CYTH3: variants seen among roughly 807,000 people sequenced by gnomAD.
CYTH3 encodes the protein cytohesin-3.
In CYTH3, 23 loss-of-function variants were observed where a neutral mutation model predicts 55.1. The observed-to-expected ratio is 0.42, with a 90% confidence interval of 0.30 to 0.59. The LOEUF (loss-of-function observed/expected upper bound fraction) is 0.59, where lower values mean the gene tolerates loss of function less well. Among genes scored for constraint, CYTH3 ranks in the 20% least tolerant of loss-of-function variants. The pLI, the probability that CYTH3 is intolerant of heterozygous loss-of-function variation, is 0.20. For missense variants in CYTH3, 413 were observed against 524.8 expected (o/e 0.79, Z 2.08); for synonymous variants, 249 against 194.9 (o/e 1.28, Z -2.31).
At chr7:6,271,657 T>A (rs1780660800) in intron 1 of CYTH3, among the ~76,000 whole-genome samples, 1 of 152,050 alleles carries the variant, frequency 6.6e-6, no homozygotes, top group Admixed American at 6.6e-5. Context: ...ACTAAATAAT[T>A]TCCAACAAAC....
At chr7:6,166,000 C>T (rs1782990882) in intron 9 of CYTH3, among the ~76,000 whole-genome samples, 190 bp from the exon 10 acceptor site, 2 of 152,236 alleles carry the variant, frequency 1.3e-5, no homozygotes, top group Admixed American at 6.5e-5. Context: ...ACACCGGCGC[C>T]CCCTCCACGG....
chr7:6,193,803 C>T (rs900771474), intron 1 of CYTH3, among the ~76,000 whole-genome samples: 6 of 152,168 alleles, frequency 3.9e-5, no homozygotes, highest in Admixed American at 2.0e-4. Context: ...ACTTCTAACA[C>T]GTTTGAGGGC....
chr7:6,228,296 T>C (rs1779302484), intron 1 of CYTH3, among the ~76,000 whole-genome samples: 2 of 152,248 alleles, frequency 1.3e-5, no homozygotes, highest in South Asian at 4.1e-4. Flanking sequence ...ACCTTTTCCA[T>C]TTTTTATATA....
chr7:6,271,121 G>C (rs1302887148), intron 1 of CYTH3, among the ~76,000 whole-genome samples: 5 of 151,898 alleles, frequency 3.3e-5, no homozygotes, highest in Admixed American at 3.3e-4. Context: ...GACTGTAGGA[G>C]GGTTCGCAAC....
At chr7:6,197,855 G>T (rs1783970400) in intron 1 of CYTH3, among the ~76,000 whole-genome samples, 2 of 152,188 alleles carry the variant, frequency 1.3e-5, no homozygotes, top group Non-Finnish European at 2.9e-5. Context: ...ACTTTGGGAA[G>T]CCAAAGCCAG....
At chr7:6,239,314 G>A (rs1048876187) in intron 1 of CYTH3, among the ~76,000 whole-genome samples, 1 of 152,152 alleles carries the variant, frequency 6.6e-6, no homozygotes, top group Non-Finnish European at 1.5e-5. Flanking sequence ...TTCCTTCCTA[G>A]TCTCTGCCCA....
At chr7:6,165,890 C>G in intron 9 of CYTH3, 80 bp from the exon 10 acceptor site, 1 of 1,399,160 alleles carries the variant, frequency 7.1e-7, no homozygotes, top group South Asian at 1.2e-5. Context: ...TGGACCTGCA[C>G]AGACCACTGC....
chr7:6,252,377 C>G (rs1001733930), intron 1 of CYTH3, among the ~76,000 whole-genome samples: 2 of 152,182 alleles, frequency 1.3e-5, no homozygotes, highest in Non-Finnish European at 2.9e-5. Flanking sequence ...CATATACTCT[C>G]TGGTTACGTG....
At chr7:6,228,068 C>G (rs1277855124) in intron 1 of CYTH3, among the ~76,000 whole-genome samples, 2 of 152,132 alleles carry the variant, frequency 1.3e-5, no homozygotes, top group African/African-American at 4.8e-5. Context: ...TGAAGCTTTC[C>G]CTTATTTTAT....
chr7:6,216,137 G>A (rs1784418493), intron 1 of CYTH3, among the ~76,000 whole-genome samples: 1 of 152,158 alleles, frequency 6.6e-6, no homozygotes, highest in Non-Finnish European at 1.5e-5. Context: ...ATATGTGTAA[G>A]TATAAAAAAC....
intron 1 of CYTH3, among the ~76,000 whole-genome samples, chr7:6,206,544 GGT>G (rs1192222107): frequency 1.3e-5 from 2 of 152,198 alleles, no homozygotes; most frequent in African/African-American, 2.4e-5. Context: ...GATGCACAAG[GGT>G]GTGTGTACAT....
chr7:6,208,744 C>T (rs1184883731), intron 1 of CYTH3, among the ~76,000 whole-genome samples: 1 of 152,138 alleles, frequency 6.6e-6, no homozygotes, highest in Non-Finnish European at 1.5e-5. Flanking sequence ...TCTTGCTATG[C>T]TGCCCAGGCT....
At chr7:6,236,296 T>C (rs2128554503) in intron 1 of CYTH3, among the ~76,000 whole-genome samples, 1 of 151,618 alleles carries the variant, frequency 6.6e-6, no homozygotes, top group African/African-American at 2.4e-5. Flanking sequence ...TTTGACCTTC[T>C]GGGCTCAAAC....
intron 1 of CYTH3, among the ~76,000 whole-genome samples, chr7:6,224,766 T>G (rs376483619): frequency 3.3e-5 from 5 of 152,224 alleles, no homozygotes; most frequent in Admixed American, 3.3e-4. Flanking sequence ...CGAATGTTCA[T>G]AGCAGCATGA....
At chr7:6,215,533 T>C (rs1012841938) in intron 1 of CYTH3, among the ~76,000 whole-genome samples, 2 of 142,540 alleles carry the variant, frequency 1.4e-5, no homozygotes, top group Non-Finnish European at 3.0e-5. Context: ...GAGCTTGCAG[T>C]GAGCCGAGAT....
chr7:6,209,159 G>A (rs116974852), intron 1 of CYTH3, among the ~76,000 whole-genome samples: 2,000 of 152,316 alleles, frequency 0.013, 25 homozygotes, highest in Middle Eastern at 0.061. Context: ...TACTAGCTCT[G>A]CGCCTTTAGG....
intron 4 of CYTH3, among the ~76,000 whole-genome samples, chr7:6,179,676 CCACACACACCCCCCCA>C (rs1562881356): frequency 6.3e-5 from 6 of 95,120 alleles, no homozygotes; most frequent in South Asian, 3.5e-4. Flanking sequence ...CACACACACA[CCACACACACCCCCCCA>C]CACACACACC....
At chr7:6,168,969 C>G (rs962973758) in intron 9 of CYTH3, among the ~76,000 whole-genome samples, 5 of 152,214 alleles carry the variant, frequency 3.3e-5, no homozygotes, top group East Asian at 1.9e-4. Flanking sequence ...ACATTCCCCC[C>G]CACCGGCCCT....
chr7:6,178,329 G>A (rs1355777870), intron 4 of CYTH3, among the ~76,000 whole-genome samples: 2 of 152,208 alleles, frequency 1.3e-5, no homozygotes, highest in Admixed American at 6.5e-5. Context: ...GGCCAACCTG[G>A]CCCCACTCCC....
Sources: gnomAD v4.1 joint callset for allele counts (sites outside exome capture counted in the v4.1 genomes callset) on GRCh38, gnomAD v4.1.1 for gene constraint, MANE v1.5 for transcripts, NCBI Gene and HGNC (gene_info 2026-07-23, HGNC 2026-07-21) for gene names.